NRG1: variants seen among roughly 807,000 people sequenced by gnomAD.
The protein encoded by NRG1 is neuregulin 1.
A neutral mutation model predicts 63.8 loss-of-function variants in NRG1; 18 were observed. The ratio of observed to expected loss-of-function variants is 0.28; its 90% CI spans 0.19 to 0.42. NRG1 has a LOEUF of 0.42. Ranked by LOEUF, NRG1 falls within the 10% of genes least tolerant of loss-of-function variation. The pLI is 1.00. For synonymous variants in NRG1, 302 were observed against 301.3 expected (o/e 1.00, Z -0.02); for missense variants, 762 against 814.7 (o/e 0.94, Z 0.79).
At chr8:31,710,188 A>C (rs1220641885) in intron 1 of NRG1, among the ~76,000 whole-genome samples, 2 of 151,860 alleles carry the variant, frequency 1.3e-5, no homozygotes, top group South Asian at 4.1e-4. Flanking sequence ...TTTTAAAATT[A>C]CCATGAGAAA....
chr8:32,727,320 G>A (rs1037202062), intron 5 of NRG1, among the ~76,000 whole-genome samples: 1 of 152,086 alleles, frequency 6.6e-6, no homozygotes, highest in African/African-American at 2.4e-5. Context: ...AAAGTATGAT[G>A]GCGTTTGGAC....
chr8:31,865,320 C>G (rs570837552), intron 1 of NRG1, among the ~76,000 whole-genome samples: 2 of 152,272 alleles, frequency 1.3e-5, no homozygotes, highest in South Asian at 2.1e-4. Flanking sequence ...AGAACACCCC[C>G]TTTCCAGCTC....
chr8:32,057,836 G>A (rs1309392503), intron 1 of NRG1, among the ~76,000 whole-genome samples: 1 of 152,070 alleles, frequency 6.6e-6, no homozygotes, highest in African/African-American at 2.4e-5. Context: ...CCTGGGCTTT[G>A]TCCTTCTTTT....
chr8:31,901,912 C>T (rs906692778), intron 1 of NRG1, among the ~76,000 whole-genome samples: 2 of 152,114 alleles, frequency 1.3e-5, no homozygotes, highest in African/African-American at 4.8e-5. Flanking sequence ...GTAGAAAGGT[C>T]ATTATCTGTT....
At chr8:32,710,446 C>A (rs567102422) in intron 5 of NRG1, among the ~76,000 whole-genome samples, 1 of 152,052 alleles carries the variant, frequency 6.6e-6, no homozygotes, top group East Asian at 1.9e-4. Flanking sequence ...CTAAATTTAG[C>A]ATTTCATTTG....
chr8:32,352,173 G>T (rs774887042), intron 1 of NRG1, among the ~76,000 whole-genome samples: 6 of 147,708 alleles, frequency 4.1e-5, no homozygotes, highest in Admixed American at 1.4e-4. Flanking sequence ...CAGTGAACTT[G>T]GTGTATGCAG....
chr8:32,001,431 C>G (rs986937681), intron 1 of NRG1, among the ~76,000 whole-genome samples: 8 of 151,974 alleles, frequency 5.3e-5, no homozygotes, highest in Admixed American at 3.9e-4. Context: ...CCTCCAGAGC[C>G]ATGTGGAACT....
At chr8:32,210,606 G>T (rs1038580) in intron 1 of NRG1, among the ~76,000 whole-genome samples, 68,954 of 151,952 alleles carry the variant, frequency 0.45, 17,240 homozygotes, top group Admixed American at 0.57. Context: ...ACTTTGAAGA[G>T]AAGAAAAGAT....
At chr8:31,717,754 C>T (rs1812504198) in intron 1 of NRG1, among the ~76,000 whole-genome samples, 1 of 152,118 alleles carries the variant, frequency 6.6e-6, no homozygotes, top group African/African-American at 2.4e-5. Flanking sequence ...TTTAAGGCCC[C>T]CTCCAAAGTG....
chr8:32,585,470 C>T (rs1012422131), intron 1 of NRG1, among the ~76,000 whole-genome samples: 1 of 152,160 alleles, frequency 6.6e-6, no homozygotes, highest in African/African-American at 2.4e-5. Flanking sequence ...TGATTTGCTC[C>T]AGCATTCATT....
chr8:31,896,458 T>C (rs1430167606), intron 1 of NRG1, among the ~76,000 whole-genome samples: 1 of 152,222 alleles, frequency 6.6e-6, no homozygotes, highest in Non-Finnish European at 1.5e-5. Context: ...GTGATACTCC[T>C]GTCATGCAGC....
intron 1 of NRG1, among the ~76,000 whole-genome samples, chr8:32,539,739 A>G (rs1255167428): frequency 6.6e-6 from 1 of 152,212 alleles, no homozygotes; most frequent in Non-Finnish European, 1.5e-5. Flanking sequence ...AGTTAAGAAG[A>G]AAACAGTTTT....
intron 1 of NRG1, among the ~76,000 whole-genome samples, chr8:32,173,077 G>A (rs1040950951): frequency 6.6e-6 from 1 of 152,088 alleles, no homozygotes; most frequent in Non-Finnish European, 1.5e-5. Context: ...AAATGTTAAG[G>A]GCAGCCAGAG....
At chr8:32,170,738 G>T (rs906244085) in intron 1 of NRG1, among the ~76,000 whole-genome samples, 1 of 152,202 alleles carries the variant, frequency 6.6e-6, no homozygotes, top group African/African-American at 2.4e-5. Flanking sequence ...AGATGGAAAT[G>T]ATTTGGAGTA....
In NRG1 at chr8:32,192,401, C is replaced by T. The variant is rs191266668; in HGVS notation, c.38-403427C>T. 4.7e-3 allele frequency among the ~76,000 whole-genome samples: 713 copies of T among 152,214 alleles called. 5 individuals carry two copies. The highest frequency in any genetic ancestry group is 0.01 in the Middle Eastern group (3 of 294). On this transcript the variant is annotated intron_variant, in intron 1 of 10. Transcript: ENST00000519301. ...GATACGTATACACCATGTAATACTA[C>T]GCAGCCATACAAAAGGTATGAAATC... is the stretch of plus-strand genomic sequence containing the variant.
chr8:32,559,553 T>C lies in NRG1; in HGVS notation c.100+10727T>C, dbSNP rs373953222. 1.8e-4 allele frequency among the ~76,000 whole-genome samples: 27 copies of C among 152,328 alleles called. No homozygotes were observed. The East Asian group carries it at 3.1e-3, about 17-fold the overall frequency. ...TGCAGATTGCCTGAAAATGTTCTTA[T>C]GTACTTTTTATGGATACAGGCTTTC... On this transcript the variant is annotated intron_variant, in intron 1 of 11. Transcript: ENST00000356819.
intron 1 of NRG1, among the ~76,000 whole-genome samples, chr8:32,499,709 AG>A (rs1324047815): frequency 1.3e-5 from 2 of 152,110 alleles, no homozygotes; most frequent in African/African-American, 4.8e-5. Context: ...TGTTGGATGA[AG>A]TGTCTTTAGA....
intron 1 of NRG1, among the ~76,000 whole-genome samples, chr8:31,770,228 C>T (rs372354429): frequency 1.3e-5 from 2 of 152,108 alleles, no homozygotes; most frequent in Admixed American, 1.3e-4. Flanking sequence ...GGTACACACA[C>T]GTGTGAGTTA....
chr8:32,007,831 G>C (rs935760435), intron 1 of NRG1, among the ~76,000 whole-genome samples: 4 of 151,894 alleles, frequency 2.6e-5, no homozygotes, highest in African/African-American at 9.7e-5. Flanking sequence ...AAATTTTTAA[G>C]AGCCATTTTA....
Sources: gnomAD v4.1 joint callset for allele counts (sites outside exome capture counted in the v4.1 genomes callset) on GRCh38, gnomAD v4.1.1 for gene constraint, MANE v1.5 for transcripts, NCBI Gene and HGNC (gene_info 2026-07-23, HGNC 2026-07-21) for gene names.